Variants in EVC2 observed in about 807,000 individuals in gnomAD.
EVC2 encodes EvC ciliary complex subunit 2, also known as limbin.
In EVC2, 148 loss-of-function variants were observed where a neutral mutation model predicts 149.3. That is an observed-to-expected ratio of 0.99 (90% CI 0.87 to 1.14). The LOEUF (loss-of-function observed/expected upper bound fraction) is 1.14, where lower values mean the gene tolerates loss of function less well. EVC2 is among the 50% of genes most tolerant of loss of function. The pLI is 0.00. For missense variants in EVC2, 1,854 were observed against 1,627.3 expected, an observed-to-expected ratio of 1.14 and a Z score of -2.40; for synonymous variants, 776 against 649.9, an observed-to-expected ratio of 1.19 and a Z score of -2.95.
At chr4:5,597,367 C>T (rs1233218061) in intron 16 of EVC2, among the ~76,000 whole-genome samples, 1 of 152,154 alleles carries the variant, frequency 6.6e-6, no homozygotes, top group Non-Finnish European at 1.5e-5. Flanking sequence ...AGCTTATCCA[C>T]CATGATCAAG....
intron 2 of EVC2, 26 bp downstream of exon 2, chr4:5,697,567 G>C (rs764367086): frequency 6.2e-7 from 1 of 1,613,034 alleles, no homozygotes; most frequent in Non-Finnish European, 8.5e-7. Flanking sequence ...CAAAACAGGG[G>C]AACATCAACC....
chr4:5,704,021 C>T (rs1217411400), intron 1 of EVC2, among the ~76,000 whole-genome samples: 1 of 152,082 alleles, frequency 6.6e-6, no homozygotes, highest in Non-Finnish European at 1.5e-5. Context: ...CACAAGGAGG[C>T]CAGGGTGCCT....
At chr4:5,695,505 C>A (rs558735777) in intron 2 of EVC2, among the ~76,000 whole-genome samples, 1 of 152,188 alleles carries the variant, frequency 6.6e-6, no homozygotes, top group Non-Finnish European at 1.5e-5. Context: ...TCAGTGGATG[C>A]GGCCCAGGTG....
chr4:5,589,225 G>C (rs1712570221), intron 16 of EVC2, among the ~76,000 whole-genome samples: 2 of 152,190 alleles, frequency 1.3e-5, no homozygotes. Context: ...GACTAGCATA[G>C]GGCTCATTAT....
intron 7 of EVC2, among the ~76,000 whole-genome samples, chr4:5,673,924 G>A (rs1719829660): frequency 6.6e-6 from 1 of 152,222 alleles, no homozygotes; most frequent in Middle Eastern, 3.2e-3. Flanking sequence ...CACGTGGAGG[G>A]TGGTGGTAAG....
At chr4:5,584,524 A>C in intron 17 of EVC2, 99 bp downstream of exon 17, 1 of 1,220,744 alleles carries the variant, frequency 8.2e-7, no homozygotes, top group Non-Finnish European at 1.2e-6. Context: ...CAGCACAGAC[A>C]GGACGGGGGT....
chr4:5,579,865 G>A (rs1163905172), intron 17 of EVC2, among the ~76,000 whole-genome samples: 3 of 152,076 alleles, frequency 2.0e-5, no homozygotes, highest in African/African-American at 7.2e-5. Context: ...AGAAGAGGAA[G>A]ATGCCAGGTG....
intron 4 of EVC2, among the ~76,000 whole-genome samples, chr4:5,689,879 C>T (rs1227821271): frequency 6.6e-6 from 1 of 152,188 alleles, no homozygotes; most frequent in Non-Finnish European, 1.5e-5. Flanking sequence ...AGGCTCATCA[C>T]CTGGGCTCTG....
chr4:5,605,239 C>T (rs868092602), intron 16 of EVC2, among the ~76,000 whole-genome samples: 3 of 152,184 alleles, frequency 2.0e-5, no homozygotes, highest in Non-Finnish European at 2.9e-5. Flanking sequence ...GCACATCACG[C>T]GCAGGACTTA....
chr4:5,545,733 TGTATAAAGATTTA>T (rs1319427842), intron 21 of EVC2, among the ~76,000 whole-genome samples: 24 of 152,332 alleles, frequency 1.6e-4, no homozygotes, highest in African/African-American at 5.8e-4. Flanking sequence ...GACTCAGTTC[TGTATAAAGATTTA>T]GTATAAAGAT....
intron 16 of EVC2, among the ~76,000 whole-genome samples, chr4:5,598,761 C>T (rs1713697763): frequency 6.6e-6 from 1 of 152,170 alleles, no homozygotes; most frequent in African/African-American, 2.4e-5. Context: ...ACAAAAGAAA[C>T]TACCACCAGA....
intron 9 of EVC2, among the ~76,000 whole-genome samples, chr4:5,649,772 T>G (rs931528521): frequency 2.0e-5 from 3 of 152,186 alleles, no homozygotes; most frequent in African/African-American, 7.2e-5. Flanking sequence ...CGAGTGAAAC[T>G]GAAATTTTCC....
At chr4:5,548,267 T>C (rs976504681) in intron 21 of EVC2, among the ~76,000 whole-genome samples, 2 of 151,624 alleles carry the variant, frequency 1.3e-5, no homozygotes, top group Non-Finnish European at 2.9e-5. Context: ...GCCACAGAGA[T>C]TTCCAGCCAG....
At position 5,615,687 on chromosome 4, in the gene EVC2, G is replaced by C. The variant is rs1427857445; in HGVS notation, c.2707-143C>G. 4 of 1,207,272 alleles carry C rather than the reference G, an allele frequency of 3.3e-6. No individual in the cohort carries two copies. The South Asian group carries it at 3.7e-5, about 11-fold the overall frequency. 74.8% of individuals were successfully genotyped at this position (1,207,272 alleles called of 1,614,324 possible). A position where few individuals can be genotyped will look rare whatever the true frequency, so the allele number is the denominator to read the frequency against. ...CTGCCTTAGGCCAGAGAGGGGAGGA[G>C]AGAGGTATGTTCTTCTGGAAGGAGC... On this transcript the variant is annotated intron_variant, in intron 15 of 21. Transcript: ENST00000344408.
intron 6 of EVC2, among the ~76,000 whole-genome samples, chr4:5,684,588 A>T (rs1239916220): frequency 2.6e-5 from 2 of 75,934 alleles, no homozygotes; most frequent in Non-Finnish European, 5.1e-5. Flanking sequence ...GGTGTGCAGC[A>T]CCTGCCAGGA....
Position 5,601,220 on chromosome 4 carries a change from C to A in EVC2, c.2829+14202G>T, listed in dbSNP as rs974982672. On this transcript the variant is annotated intron_variant, in intron 16 of 21. Transcript: ENST00000344408. ...CCACTCTTAAATATCATCAGACCAC[C>A]AAAGATGACCACATACCTGGGAAAG... Among the ~76,000 whole-genome samples, 4 of 151,976 alleles carry A rather than the reference C, an allele frequency of 2.6e-5. No individual in the cohort carries two copies. The South Asian group carries it at 8.3e-4, about 32-fold the overall frequency.
chr4:5,534,584 G>A, the EVC2 span, among the ~76,000 whole-genome samples: 13 of 152,228 alleles, frequency 8.5e-5, no homozygotes, highest in African/African-American at 2.6e-4. Context: ...ACCTTGTTAC[G>A]GGAAAATAAT....
In EVC2 at chr4:5,637,774, C is replaced by CCT. The variant is rs1716986696; in HGVS notation, c.1470+2738_1470+2739dup. On this transcript the variant is annotated intron_variant, in intron 10 of 21. Transcript: ENST00000344408. This position sits in a 1 kb window ranked among gnomAD's most constrained non-coding sequence, Gnocchi z 4.4. ...CTCAACAATGGGCAGAATGAATGAT[C>CCT]CTCTGCCACTGAGTTGTGGGATGGG... Among the ~76,000 whole-genome samples, 1 of 151,544 alleles carries CCT rather than the reference C, an allele frequency of 6.6e-6. No homozygotes were observed. The highest frequency in any genetic ancestry group is 2.1e-4 in the South Asian group (1 of 4,786).
chr4:5,694,338 G>A lies in EVC2; in HGVS notation c.447C>T (p.Arg149=), dbSNP rs756124879. Reference sequence around the variant, plus strand: ...AAGCATTGAACTTAATACTTACCAGGCGGTGTGTTATAGGAGACTCTCTTT... The same window carrying A: ...AAGCATTGAACTTAATACTTACCAGACGGTGTGTTATAGGAGACTCTCTTT... The part of the protein sequence containing the change: ...LFKRESPITH[R]LYGDISREVQ... The change falls in exon 3 of 22, where the codon CGC becomes CGT. Residue 149 remains arginine (R), a synonymous_variant. Transcript: ENST00000344408. The A allele has an allele frequency of 5.6e-6, 9 of 1,613,724 alleles. No homozygotes were observed. The highest frequency in any genetic ancestry group is 2.7e-5 in the African/African-American group (2 of 74,860).
Sources: allele counts gnomAD v4.1 joint callset (sites outside exome capture counted in the v4.1 genomes callset), GRCh38; gene constraint gnomAD v4.1.1; non-coding constraint Gnocchi (gnomAD v3.1); transcripts MANE v1.5; gene names NCBI Gene and HGNC (gene_info 2026-07-23, HGNC 2026-07-21).